The following HMGA2 variants were observed in gnomAD, a reference collection of about 807,000 sequenced individuals.
HMGA2 encodes the protein high mobility group protein HMGI-C.
A neutral mutation model predicts 19.1 loss-of-function variants in HMGA2; 8 were observed. That is an observed-to-expected ratio of 0.42 (90% confidence interval 0.25 to 0.76). The LOEUF (loss-of-function observed/expected upper bound fraction) is 0.76, where lower values mean the gene tolerates loss of function less well. Ranked by LOEUF, HMGA2 falls within the 30% of genes least tolerant of loss-of-function variation. HMGA2 has a pLI of 0.28. For synonymous variants in HMGA2, 60 were observed against 48.8 expected (o/e 1.23, Z -0.96); for missense variants, 109 against 136.3 (o/e 0.80, Z 1.00).
At chr12:65,859,935 T>A (rs200634496) in intron 3 of HMGA2, 24 of 279,674 alleles carry the variant, frequency 8.6e-5, no homozygotes, top group Admixed American at 1.6e-4. Flanking sequence ...AAAAAAAAAA[T>A]TAAAAATTAG....
intron 3 of HMGA2, among the ~76,000 whole-genome samples, chr12:65,849,192 C>G (rs1368042819): frequency 1.3e-5 from 2 of 152,202 alleles, no homozygotes; most frequent in Admixed American, 1.3e-4. Flanking sequence ...TCTGTCCCTA[C>G]ATTTTCTTTC....
chr12:65,907,214 G>A (rs1874631737), intron 3 of HMGA2, among the ~76,000 whole-genome samples: 1 of 151,994 alleles, frequency 6.6e-6, no homozygotes, highest in Non-Finnish European at 1.5e-5. Context: ...GGCCAACATG[G>A]TGAAAACCCA....
rs530028160 is a variant in HMGA2, at chr12:65,952,766, G to A, written c.282+1351G>A. 1.1e-3 allele frequency: 217 copies of A among 192,444 alleles called. 6 individuals carry two copies. In the South Asian group the frequency reaches 0.027, roughly 24 times the overall value. The allele number at this position is 192,444 out of a possible 1,614,324, so 11.9% of individuals were successfully genotyped here. ...CTGTGCATTTGAGTCAAAGGATGAG[G>A]CAGAGTTCACATTTGCATCACAGGC... is the stretch of plus-strand genomic sequence containing the variant. On this transcript the variant is annotated intron_variant, in intron 4 of 4. Coordinates refer to ENST00000403681, the MANE Select transcript of HMGA2 (RefSeq NM_003483.6).
chr12:65,859,187 T>C (rs1438576225), intron 3 of HMGA2: 1 of 152,266 alleles, frequency 6.6e-6, no homozygotes, highest in Non-Finnish European at 1.5e-5. Context: ...CTACTTTCCT[T>C]CCTCTACCAA....
intron 3 of HMGA2, among the ~76,000 whole-genome samples, chr12:65,839,722 C>G (rs1264356164): frequency 6.6e-6 from 1 of 152,158 alleles, no homozygotes; most frequent in Non-Finnish European, 1.5e-5. Context: ...ATTCAACCTT[C>G]TGTTCATTAA....
At chr12:65,918,650 A>G (rs1019871211) in intron 3 of HMGA2, among the ~76,000 whole-genome samples, 2 of 152,228 alleles carry the variant, frequency 1.3e-5, no homozygotes, top group African/African-American at 4.8e-5. Flanking sequence ...GAAAAGAAAC[A>G]AAACTCAGAT....
intron 2 of HMGA2, among the ~76,000 whole-genome samples, chr12:65,836,470 A>G (rs1394074717): frequency 3.3e-5 from 5 of 152,212 alleles, no homozygotes; most frequent in East Asian, 3.9e-4. Flanking sequence ...AAGTACTTCT[A>G]GGAATGATGT....
chr12:65,918,051 T>A (rs537373796), intron 3 of HMGA2, among the ~76,000 whole-genome samples: 1 of 152,308 alleles, frequency 6.6e-6, no homozygotes, highest in East Asian at 1.9e-4. Context: ...AAACTTGGAT[T>A]TTCTAAGTAA....
intron 3 of HMGA2, among the ~76,000 whole-genome samples, chr12:65,866,377 T>C (rs898964201): frequency 1.3e-5 from 2 of 152,032 alleles, no homozygotes; most frequent in African/African-American, 4.8e-5. Flanking sequence ...AGTATTGGAG[T>C]AGGCGAGGCT....
chr12:65,916,683 G>A (rs1345804069), intron 3 of HMGA2, among the ~76,000 whole-genome samples: 3 of 152,178 alleles, frequency 2.0e-5, no homozygotes, highest in Non-Finnish European at 4.4e-5. Flanking sequence ...ATGAATATAT[G>A]TTTTTTGACT....
rs1180942808 is a variant in HMGA2 at position 65,888,554 on chromosome 12, C to CTTTTTTTTTTTTTTTTT, written c.249+49996_249+50012dup. Among the ~76,000 whole-genome samples, 2 of 40,544 alleles carry CTTTTTTTTTTTTTTTTT rather than the reference C, an allele frequency of 4.9e-5. 1 individual carries two copies. The highest frequency in any genetic ancestry group is 2.0e-4 in the African/African-American group (2 of 9,928). The allele number at this position is 40,544 out of a possible 152,430, so 26.6% of individuals were successfully genotyped here. The stretch of plus-strand genomic sequence containing the variant: ...AGGAATAGAGTGCCCGTGGTGTGCT[C>CTTTTTTTTTTTTTTTTT]TTTTTTTTTTTTTTTTTTTTTTTTT... On this transcript the variant is annotated intron_variant, in intron 3 of 4. Transcript: ENST00000403681.
At chr12:65,947,945 G>GTA (rs762888483) in intron 3 of HMGA2, among the ~76,000 whole-genome samples, 1 of 152,258 alleles carries the variant, frequency 6.6e-6, no homozygotes, top group African/African-American at 2.4e-5. Flanking sequence ...AAGCCGGGAA[G>GTA]TACAGCTTCT....
At chr12:65,905,693 T>C (rs1375092151) in intron 3 of HMGA2, among the ~76,000 whole-genome samples, 1 of 152,194 alleles carries the variant, frequency 6.6e-6, no homozygotes, top group African/African-American at 2.4e-5. Context: ...TAAGGAATAT[T>C]TTTCTTTAAA....
intron 1 of HMGA2, chr12:65,826,949 C>T (rs1375310570): frequency 6.6e-6 from 1 of 152,190 alleles, no homozygotes; most frequent in African/African-American, 2.4e-5. Context: ...TGCAGGGAAC[C>T]TTCCCGAATT....
In HMGA2 at chr12:65,863,980, A is replaced by G. The variant is rs549746507; in HGVS notation, c.249+25411A>G. 2.0e-5 allele frequency among the ~76,000 whole-genome samples: 3 copies of G among 152,328 alleles called. No homozygotes were observed. The East Asian group carries it at 5.8e-4, about 29-fold the overall frequency. On this transcript the variant is annotated intron_variant, in intron 3 of 4. Transcript: ENST00000403681. ...TGGGATATGAAAATCCACCAAAGGAAAGAAATATCATTTCCCGCACTGTGG... is the reference window on the plus strand; with the variant it reads ...TGGGATATGAAAATCCACCAAAGGAGAGAAATATCATTTCCCGCACTGTGG...
At chr12:65,922,814 G>A (rs1875364461) in intron 3 of HMGA2, among the ~76,000 whole-genome samples, 1 of 152,112 alleles carries the variant, frequency 6.6e-6, no homozygotes, top group South Asian at 2.1e-4. Context: ...TTGAATCATG[G>A]GGGCCGGTCT....
intron 3 of HMGA2, among the ~76,000 whole-genome samples, chr12:65,943,139 C>T (rs1211054719): frequency 6.6e-6 from 1 of 152,176 alleles, no homozygotes; most frequent in African/African-American, 2.4e-5. Context: ...CCCCATTAGA[C>T]TCTAGGCTTC....
chr12:65,862,001 C>G (rs549217160), intron 3 of HMGA2, among the ~76,000 whole-genome samples: 1 of 152,150 alleles, frequency 6.6e-6, no homozygotes, highest in Admixed American at 6.5e-5. Context: ...CCCACCACCA[C>G]GCCCGGCTAA....
intron 3 of HMGA2, chr12:65,874,324 A>G (rs1361780198): frequency 6.6e-6 from 1 of 152,002 alleles, no homozygotes; most frequent in African/African-American, 2.4e-5. Context: ...AAAGTCTACT[A>G]CTTAGTTGAA....
Sources: gnomAD v4.1 joint callset for allele counts (sites outside exome capture counted in the v4.1 genomes callset) on GRCh38, gnomAD v4.1.1 for gene constraint, MANE v1.5 for transcripts, NCBI Gene and HGNC (gene_info 2026-07-23, HGNC 2026-07-21) for gene names.